GPR158: variants seen among roughly 807,000 people sequenced by gnomAD.
GPR158 encodes the protein G protein-coupled receptor 158.
Under a neutral mutation model 78.2 loss-of-function variants are expected in GPR158, and 30 were observed. That is an observed-to-expected ratio of 0.38 (90% confidence interval 0.29 to 0.52). The LOEUF is 0.52. GPR158 is among the 20% of genes least tolerant of loss of function. The pLI, the probability that GPR158 is intolerant of heterozygous loss-of-function variation, is 0.83. For synonymous variants in GPR158, 581 were observed against 591.1 expected (o/e 0.98, Z 0.25); for missense variants, 1,463 against 1,523.5 (o/e 0.96, Z 0.66).
chr10:25,486,812 C>CTTTTTT (rs138444360), intron 5 of GPR158, among the ~76,000 whole-genome samples: 2 of 150,466 alleles, frequency 1.3e-5, no homozygotes, highest in Non-Finnish European at 3.0e-5. Context: ...TATGATAGAC[C>CTTTTTT]ATTTTTTTTT....
intron 2 of GPR158, among the ~76,000 whole-genome samples, chr10:25,229,463 G>A (rs897167520): frequency 2.0e-5 from 3 of 152,170 alleles, no homozygotes; most frequent in South Asian, 2.1e-4. Context: ...AACGATGGCT[G>A]CAACTACTTG....
At chr10:25,357,591 G>A (rs1188324451) in intron 2 of GPR158, among the ~76,000 whole-genome samples, 1 of 152,122 alleles carries the variant, frequency 6.6e-6, no homozygotes, top group Admixed American at 6.5e-5. Flanking sequence ...CAAGCCCCAA[G>A]CCTTGGCAGT....
chr10:25,529,985 C>T (rs1245445325), intron 5 of GPR158, among the ~76,000 whole-genome samples: 2 of 152,184 alleles, frequency 1.3e-5, no homozygotes, highest in African/African-American at 2.4e-5. Context: ...ACTGGCCTTT[C>T]GTATCTTACT....
chr10:25,339,626 T>C (rs1855274491), intron 2 of GPR158, among the ~76,000 whole-genome samples: 1 of 152,114 alleles, frequency 6.6e-6, no homozygotes, highest in Non-Finnish European at 1.5e-5. Context: ...TTGATTATGA[T>C]GCTTGCTGAA....
In GPR158 at chr10:25,330,014, CTT is replaced by C. The variant is rs58247937; in HGVS notation, c.1009-65886_1009-65885del. On this transcript the variant is annotated intron_variant, in intron 2 of 10. Transcript: ENST00000376351. ...ATTTAAATGAGAACTTGAGATAATT[CTT>C]TTTTTTTTTTGTTATACTTTAAGTT... Among the ~76,000 whole-genome samples the C allele has an allele frequency of 9.2e-3, 1,364 of 147,828 alleles. 20 individuals are homozygous for C. Among genetic ancestry groups the C allele is most frequent in the African/African-American group, 0.032 (1,281 of 40,632 alleles).
chr10:25,214,513 G>T (rs1588739006), intron 1 of GPR158, among the ~76,000 whole-genome samples: 1 of 152,004 alleles, frequency 6.6e-6, no homozygotes, highest in African/African-American at 2.4e-5. Context: ...TCAACTACAG[G>T]CTTCATTCAG....
intron 2 of GPR158, among the ~76,000 whole-genome samples, chr10:25,303,888 G>A (rs824144): frequency 0.38 from 57,296 of 152,034 alleles, 13,292 homozygotes; most frequent in Non-Finnish European, 0.53. Context: ...TGTATAAAAG[G>A]CTTGGAGGTT....
chr10:25,305,185 TTGTTATA>T (rs1278226722), intron 2 of GPR158, among the ~76,000 whole-genome samples: 1 of 152,202 alleles, frequency 6.6e-6, no homozygotes, highest in Non-Finnish European at 1.5e-5. Flanking sequence ...AGAAATCACA[TTGTTATA>T]TGTCAGAAGT....
At chr10:25,492,870 TATA>T (rs1180626843) in intron 5 of GPR158, among the ~76,000 whole-genome samples, 1 of 148,404 alleles carries the variant, frequency 6.7e-6, no homozygotes, top group Admixed American at 6.8e-5. Flanking sequence ...AATATTAATA[TATA>T]ATTGATATAT....
intron 2 of GPR158, among the ~76,000 whole-genome samples, chr10:25,338,913 T>C (rs1855264408): frequency 6.6e-6 from 1 of 151,856 alleles, no homozygotes; most frequent in African/African-American, 2.4e-5. Flanking sequence ...TATTTTGATT[T>C]CCTTTATTTT....
intron 1 of GPR158, among the ~76,000 whole-genome samples, chr10:25,210,963 C>A (rs571803224): frequency 6.6e-6 from 1 of 152,094 alleles, no homozygotes; most frequent in East Asian, 1.9e-4. Flanking sequence ...GAAACCCCAT[C>A]TCTACTAAAA....
At chr10:25,367,820 T>C (rs572185991) in intron 2 of GPR158, among the ~76,000 whole-genome samples, 1 of 151,314 alleles carries the variant, frequency 6.6e-6, no homozygotes, top group Non-Finnish European at 1.5e-5. Context: ...AAGATCTACT[T>C]TGTTTGATAT....
chr10:25,599,901 T>C lies in GPR158; in HGVS notation c.*627T>C, dbSNP rs1837469629. 1 of 152,768 alleles carries C rather than the reference T, an allele frequency of 6.5e-6. No individual in the cohort carries two copies. Among genetic ancestry groups the C allele is most frequent in the Non-Finnish European group, 1.5e-5 (1 of 68,116 alleles). 9.5% of individuals were successfully genotyped at this position (152,768 alleles called of 1,614,324 possible). ...ATTTATGCAATCTGCAGCTATTCAATTGTTATTGCACCTTACAGAATACCT... is the reference window on the plus strand; with the variant it reads ...ATTTATGCAATCTGCAGCTATTCAACTGTTATTGCACCTTACAGAATACCT... On this transcript the variant is annotated 3_prime_UTR_variant, in exon 11 of 11. Transcript: ENST00000376351.
intron 5 of GPR158, among the ~76,000 whole-genome samples, chr10:25,528,139 AT>A (rs1474133088): frequency 3.3e-5 from 5 of 151,596 alleles, no homozygotes; most frequent in African/African-American, 1.2e-4. Flanking sequence ...CTTTCAGAAA[AT>A]AGAGGAAAAG....
intron 3 of GPR158, among the ~76,000 whole-genome samples, chr10:25,405,527 T>G (rs1043777149): frequency 1.6e-4 from 20 of 125,400 alleles, no homozygotes; most frequent in Non-Finnish European, 2.3e-4. Context: ...TTTTTTTTTT[T>G]TGCTAGCATG....
intron 4 of GPR158, among the ~76,000 whole-genome samples, chr10:25,445,584 A>G (rs1322623545): frequency 1.3e-5 from 2 of 152,228 alleles, no homozygotes; most frequent in East Asian, 3.8e-4. Flanking sequence ...GACTGGAAAT[A>G]TGAAGATTAA....
Position 25,175,350 on chromosome 10 carries a change from G to T in GPR158, c.-71G>T, listed in dbSNP as rs745351671. On this transcript the variant is annotated 5_prime_UTR_variant, in exon 1 of 11. Transcript: ENST00000376351. This position sits in a 1 kb window ranked among gnomAD's most constrained non-coding sequence, Gnocchi z 6.4. ...CTCCTCGAAAAAGTCTGACTGTTGA[G>T]AAACTGACGATCCAAATTTAAAAAG... 1.4e-5 allele frequency: 13 copies of T among 948,134 alleles called. No individual in the cohort carries two copies. The highest frequency in any genetic ancestry group is 2.1e-5 in the Non-Finnish European group (13 of 620,834). 58.7% of individuals were successfully genotyped at this position (948,134 alleles called of 1,614,324 possible).
intron 2 of GPR158, among the ~76,000 whole-genome samples, chr10:25,357,829 G>A (rs1207818214): frequency 6.6e-6 from 1 of 152,080 alleles, no homozygotes; most frequent in East Asian, 1.9e-4. Flanking sequence ...GCTTTGAGAA[G>A]AGGGCCACCA....
At chr10:25,572,995 C>A (rs997496909) in intron 7 of GPR158, 108 bp downstream of exon 7, 6 of 712,100 alleles carry the variant, frequency 8.4e-6, no homozygotes, top group Middle Eastern at 2.4e-4. Flanking sequence ...AAACTAATCT[C>A]ACCTAATGTG....
Sources: allele counts gnomAD v4.1 joint callset (sites outside exome capture counted in the v4.1 genomes callset), GRCh38; gene constraint gnomAD v4.1.1; non-coding constraint Gnocchi (gnomAD v3.1); transcripts MANE v1.5; gene names NCBI Gene and HGNC (gene_info 2026-07-23, HGNC 2026-07-21).